The following ROBO2 variants were observed in gnomAD, a reference collection of about 807,000 sequenced individuals.
ROBO2 encodes the protein roundabout guidance receptor 2, also known as roundabout homolog 2.
A neutral mutation model predicts 160.8 loss-of-function variants in ROBO2; 53 were observed. The ratio of observed to expected loss-of-function variants is 0.33; its 90% CI spans 0.26 to 0.41. The LOEUF (loss-of-function observed/expected upper bound fraction) is 0.41, where lower values mean the gene tolerates loss of function less well. ROBO2 is among the 10% of genes least tolerant of loss of function. The pLI is 1.00. For missense variants in ROBO2, 1,577 were observed against 1,722.4 expected (o/e 0.92, Z 1.49); for synonymous variants, 664 against 611.7 (o/e 1.09, Z -1.26).
At chr3:76,523,986 A>ATGTGTGTG (rs67480680) in intron 2 of ROBO2, among the ~76,000 whole-genome samples, 1 of 149,340 alleles carries the variant, frequency 6.7e-6, no homozygotes, top group Non-Finnish European at 1.5e-5. Flanking sequence ...GTGTGTGTGT[A>ATGTGTGTG]TGTGTGTGTG....
intron 2 of ROBO2, among the ~76,000 whole-genome samples, chr3:77,320,383 A>C (rs577068627): frequency 6.6e-6 from 1 of 152,130 alleles, no homozygotes; most frequent in African/African-American, 2.4e-5. Flanking sequence ...TTGGGGAATG[A>C]CAGTGATTGT....
intron 5 of ROBO2, among the ~76,000 whole-genome samples, chr3:77,505,893 A>T (rs185581586): frequency 1.3e-5 from 2 of 152,202 alleles, no homozygotes; most frequent in South Asian, 4.1e-4. Context: ...CTAGTAAAAC[A>T]TATTTAAAAA....
intron 2 of ROBO2, among the ~76,000 whole-genome samples, chr3:76,788,610 A>C (rs1178699910): frequency 1.3e-5 from 2 of 151,586 alleles, no homozygotes; most frequent in East Asian, 3.9e-4. Context: ...GCAGATTGAC[A>C]GGAAAGTTAT....
intron 16 of ROBO2, among the ~76,000 whole-genome samples, chr3:77,580,605 C>G (rs1268898450): frequency 6.6e-6 from 1 of 152,086 alleles, no homozygotes; most frequent in Admixed American, 6.6e-5. Flanking sequence ...ATTGTTCCCT[C>G]TTATCATAGA....
At chr3:77,250,362 G>A (rs2090195651) in intron 2 of ROBO2, among the ~76,000 whole-genome samples, 1 of 152,160 alleles carries the variant, frequency 6.6e-6, no homozygotes, top group African/African-American at 2.4e-5. Context: ...TCCAACAGAT[G>A]TTTAGCCTTT....
At chr3:76,657,884 G>GTGTA (rs1553855965) in intron 2 of ROBO2, among the ~76,000 whole-genome samples, 9 of 146,612 alleles carry the variant, frequency 6.1e-5, no homozygotes, top group African/African-American at 2.0e-4. Flanking sequence ...GTGTGTGTGT[G>GTGTA]TATATATATA....
intron 24 of ROBO2, among the ~76,000 whole-genome samples, chr3:77,641,984 A>C (rs1045903477): frequency 6.6e-6 from 1 of 152,158 alleles, no homozygotes; most frequent in Non-Finnish European, 1.5e-5. Flanking sequence ...TAGCACCATA[A>C]AACACATTCA....
chr3:76,443,799 A>C (rs2077039569), intron 2 of ROBO2, among the ~76,000 whole-genome samples: 1 of 152,096 alleles, frequency 6.6e-6, no homozygotes, highest in Non-Finnish European at 1.5e-5. Context: ...ATTTAAACGA[A>C]TTCTCCAGAT....
At chr3:76,281,334 A>G (rs772901466) in intron 2 of ROBO2, among the ~76,000 whole-genome samples, 5 of 151,990 alleles carry the variant, frequency 3.3e-5, no homozygotes, top group Non-Finnish European at 5.9e-5. Context: ...ATTATTCTGC[A>G]ACTATATGGG....
At chr3:76,138,689 T>A (rs1331326893) in intron 2 of ROBO2, among the ~76,000 whole-genome samples, 1 of 152,114 alleles carries the variant, frequency 6.6e-6, no homozygotes, top group African/African-American at 2.4e-5. Context: ...ATCTACTACT[T>A]GTCCACAGAA....
At chr3:76,333,939 C>T (rs2073683211) in intron 2 of ROBO2, among the ~76,000 whole-genome samples, 1 of 152,070 alleles carries the variant, frequency 6.6e-6, no homozygotes, top group Admixed American at 6.6e-5. Context: ...GGGAATTGAA[C>T]AATGGGAACC....
chr3:75,968,386 G>T, intron 2 of ROBO2, among the ~76,000 whole-genome samples: 1 of 151,252 alleles, frequency 6.6e-6, no homozygotes, highest in East Asian at 2.0e-4. Context: ...TGAAGTAATT[G>T]TAAATCTCTC....
intron 2 of ROBO2, among the ~76,000 whole-genome samples, chr3:77,143,461 A>G (rs1176492975): frequency 1.3e-5 from 2 of 151,950 alleles, no homozygotes; most frequent in Admixed American, 6.6e-5. Flanking sequence ...CTCCCAAAGT[A>G]CTGGGATTAC....
intron 1 of ROBO2, among the ~76,000 whole-genome samples, chr3:77,072,052 G>A (rs755080771): frequency 9.2e-5 from 14 of 152,040 alleles, no homozygotes; most frequent in East Asian, 3.9e-4. Context: ...TCTCCCCCTC[G>A]TTCGCATTAC....
chr3:77,169,018 AAAG>A (rs1579591981), intron 2 of ROBO2, among the ~76,000 whole-genome samples: 1 of 152,186 alleles, frequency 6.6e-6, no homozygotes, highest in African/African-American at 2.4e-5. Context: ...TCCAGTGTCT[AAAG>A]AAGAAGACTT....
intron 2 of ROBO2, among the ~76,000 whole-genome samples, chr3:76,854,800 TA>T (rs2069863096): frequency 6.6e-6 from 1 of 152,158 alleles, no homozygotes; most frequent in Non-Finnish European, 1.5e-5. Flanking sequence ...TGTATTTTTT[TA>T]AATCATAAAC....
intron 2 of ROBO2, among the ~76,000 whole-genome samples, chr3:76,136,277 G>T (rs562481680): frequency 3.9e-5 from 6 of 151,928 alleles, no homozygotes; most frequent in Admixed American, 6.5e-5. Context: ...ATTCAATCTT[G>T]TTTCTGCCTT....
intron 2 of ROBO2, among the ~76,000 whole-genome samples, chr3:76,949,440 A>G (rs1403409265): frequency 2.6e-5 from 4 of 152,218 alleles, no homozygotes; most frequent in Non-Finnish European, 5.9e-5. Context: ...TAAACTCCAT[A>G]GAGGATGTGA....
chr3:77,187,630 G>A (rs929484021), intron 2 of ROBO2, among the ~76,000 whole-genome samples: 1 of 151,728 alleles, frequency 6.6e-6, no homozygotes, highest in Admixed American at 6.6e-5. Context: ...CTACATATTA[G>A]TATTTTTTGA....
Sources: allele counts gnomAD v4.1 joint callset (sites outside exome capture counted in the v4.1 genomes callset), GRCh38; gene constraint gnomAD v4.1.1; transcripts MANE v1.5; gene names NCBI Gene and HGNC (gene_info 2026-07-23, HGNC 2026-07-21).